Variants in ZNF423 observed in about 807,000 individuals in gnomAD.
ZNF423 encodes the protein Ebf-associated zinc finger protein.
Under a neutral mutation model 95.8 loss-of-function variants are expected in ZNF423, and 12 were observed. The ratio of observed to expected loss-of-function variants is 0.13; its 90% confidence interval spans 0.08 to 0.20. ZNF423 has a LOEUF of 0.20. ZNF423 is among the 10% of genes least tolerant of loss of function. The pLI, the probability that ZNF423 is intolerant of heterozygous loss-of-function variation, is 1.00. For missense variants in ZNF423, 1,316 were observed against 1,737.1 expected (o/e 0.76, Z 4.31); for synonymous variants, 749 against 711.9 (o/e 1.05, Z -0.83).
rs2143102691 is a variant in ZNF423 at position 49,709,171 on chromosome 16, T to TATATAC, written c.301+21599_301+21600insGTATAT. Among the ~76,000 whole-genome samples, 4 of 147,340 alleles carry TATATAC rather than the reference T, an allele frequency of 2.7e-5. 1 individual carries two copies. In the East Asian group the frequency reaches 8.4e-4, roughly 31 times the overall value. ...AACTCAAACGTTCAGCAGCCGTTTA[T>TATATAC]ATATATATATATGAAAACGGAGCTT... On this transcript the variant is annotated intron_variant, in intron 3 of 7. Transcript: ENST00000563137.
intron 1 of ZNF423, chr16:49,854,447 C>A (rs2035335443): frequency 1.4e-5 from 14 of 985,442 alleles, no homozygotes; most frequent in Non-Finnish European, 1.7e-5. Context: ...GGGAGCGGGG[C>A]CCCAGCGCCT....
Position 49,729,386 on chromosome 16 carries a change from G to A in ZNF423, c.301+1385C>T, listed in dbSNP as rs577471403. Reference sequence around the variant, plus strand: ...GGTCAATAGCTCAGTGTCCAGAGGAGGTCCTAGCTTGGCCACCAAACAGAT... The same window carrying A: ...GGTCAATAGCTCAGTGTCCAGAGGAAGTCCTAGCTTGGCCACCAAACAGAT... On this transcript the variant is annotated intron_variant, in intron 3 of 7. Transcript: ENST00000563137. 3.9e-5 allele frequency among the ~76,000 whole-genome samples: 6 copies of A among 152,214 alleles called. No individual in the cohort carries two copies. The South Asian group carries it at 1.2e-3, about 32-fold the overall frequency.
chr16:49,628,421 C>A (rs542979813), intron 4 of ZNF423, among the ~76,000 whole-genome samples: 10 of 151,570 alleles, frequency 6.6e-5, no homozygotes, highest in African/African-American at 2.4e-4. Context: ...CACCCATCCA[C>A]GCATACACCC....
At chr16:49,621,716 C>A (rs1455706032) in intron 5 of ZNF423, among the ~76,000 whole-genome samples, 1 of 152,186 alleles carries the variant, frequency 6.6e-6, no homozygotes, top group African/African-American at 2.4e-5. Flanking sequence ...GCAGGAGAAG[C>A]CATCCACTGG....
intron 3 of ZNF423, among the ~76,000 whole-genome samples, chr16:49,666,933 G>T (rs141208674): frequency 3.2e-4 from 48 of 152,330 alleles, no homozygotes; most frequent in African/African-American, 1.1e-3. Context: ...ACAAGCCCAT[G>T]GCCCAGTGGG....
chr16:49,539,295 G>A (rs989535052), intron 5 of ZNF423, among the ~76,000 whole-genome samples: 1 of 152,186 alleles, frequency 6.6e-6, no homozygotes, highest in Non-Finnish European at 1.5e-5. Context: ...GGCTTGCTCT[G>A]TGGGGGTGAC....
intron 5 of ZNF423, among the ~76,000 whole-genome samples, chr16:49,592,742 G>A (rs1334249353): frequency 3.3e-5 from 5 of 152,216 alleles, no homozygotes; most frequent in Non-Finnish European, 7.4e-5. Context: ...CAGCAAAGGT[G>A]TGTGATGCCC....
intron 3 of ZNF423, among the ~76,000 whole-genome samples, chr16:49,677,287 A>AAGGGAAGGGAAGGGAAGGGAAGG (rs1158583195): frequency 1.5e-4 from 12 of 82,408 alleles, no homozygotes; most frequent in Admixed American, 2.6e-4. Context: ...AGAAGAGAAG[A>AAGGGAAGGGAAGGGAAGGGAAGG]GAAGAGAAGA....
chr16:49,771,779 CT>C (rs1164495166), intron 2 of ZNF423, among the ~76,000 whole-genome samples: 1 of 152,212 alleles, frequency 6.6e-6, no homozygotes, highest in Non-Finnish European at 1.5e-5. Context: ...CATTAAACCT[CT>C]TTTTCTTTAT....
intron 1 of ZNF423, among the ~76,000 whole-genome samples, chr16:49,820,085 G>A (rs552242897): frequency 3.9e-5 from 6 of 152,088 alleles, no homozygotes; most frequent in African/African-American, 1.4e-4. Flanking sequence ...TGGATGGATG[G>A]GTGGATGGAT....
chr16:49,635,835 C>T lies in ZNF423; in HGVS notation c.3341G>A (p.Gly1114Asp). Residue 1114 changes from glycine to aspartate, a missense_variant, in exon 4 of 8, where the codon GGC (glycine) becomes GAC (aspartate). By Grantham distance (94) the Gly-to-Asp change is moderately conservative. This residue lies in a region of ZNF423 where 620 missense variants were observed against 775.6 expected (regional missense o/e 0.80). Transcript: ENST00000563137. The surrounding 1 kb of genome is among the most constrained non-coding windows in gnomAD (Gnocchi z 4.8). ...GTCGGCGGGCTCGGGCGGGGCCAGG[C>T]CACCCACCTGTCCGTTGGCGCTGCG... ...MARSANGQVGGLAPPEPADRP... is the reference protein window; with the variant it reads ...MARSANGQVGDLAPPEPADRP... 4 of 1,605,150 alleles carry T rather than the reference C, an allele frequency of 2.5e-6. No homozygotes were observed. The highest frequency in any genetic ancestry group is 1.7e-4 in the Middle Eastern group (1 of 6,020).
In ZNF423 at chr16:49,492,902, G is replaced by T. The variant is rs2151643734; in HGVS notation, c.3850-1598C>A. ...GATGGCTGGAATCCACTAGAGCAAG[G>T]GGATTTTCAGGGGAGCCAGGCTTCC... On this transcript the variant is annotated intron_variant, in intron 7 of 7. Coordinates refer to ENST00000563137, the MANE Select transcript of ZNF423 (RefSeq NM_001379286.1). The surrounding 1 kb of genome is among the most constrained non-coding windows in gnomAD (Gnocchi z 4.2). Among the ~76,000 whole-genome samples, 1 of 152,264 alleles carries T rather than the reference G, an allele frequency of 6.6e-6. No individual in the cohort carries two copies. Among genetic ancestry groups the T allele is most frequent in the East Asian group, 1.9e-4 (1 of 5,166 alleles).
At chr16:49,564,003 A>C (rs1398122263) in intron 5 of ZNF423, among the ~76,000 whole-genome samples, 1 of 152,210 alleles carries the variant, frequency 6.6e-6, no homozygotes, top group Non-Finnish European at 1.5e-5. Context: ...TTGATGTGTG[A>C]TACCAGCAGG....
chr16:49,808,618 G>A (rs2034702139), intron 1 of ZNF423, among the ~76,000 whole-genome samples: 2 of 152,096 alleles, frequency 1.3e-5, no homozygotes, highest in Admixed American at 6.6e-5. Flanking sequence ...GTTCAGCAAG[G>A]GCTGAGTGTT....
At chr16:49,718,450 C>T (rs2032772075) in intron 3 of ZNF423, among the ~76,000 whole-genome samples, 2 of 152,110 alleles carry the variant, frequency 1.3e-5, no homozygotes, top group African/African-American at 4.8e-5. Flanking sequence ...CCAGGGGATG[C>T]TGTGGTTCTA....
chr16:49,685,375 A>G (rs907484153), intron 3 of ZNF423, among the ~76,000 whole-genome samples: 7 of 152,218 alleles, frequency 4.6e-5, no homozygotes, highest in Non-Finnish European at 1.0e-4. Context: ...TCCTGCTCAC[A>G]TGCAGCATGG....
chr16:49,678,035 T>G (rs1241124553), intron 3 of ZNF423, among the ~76,000 whole-genome samples: 1 of 151,912 alleles, frequency 6.6e-6, no homozygotes, highest in African/African-American at 2.4e-5. Flanking sequence ...AGACAAAAAT[T>G]AGCTGGGCGT....
At chr16:49,667,998 T>G (rs1192496428) in intron 3 of ZNF423, among the ~76,000 whole-genome samples, 2 of 152,172 alleles carry the variant, frequency 1.3e-5, no homozygotes, top group African/African-American at 4.8e-5. Context: ...TGCATGCTAA[T>G]GCCCAGCCCC....
At chr16:49,501,924 G>T (rs1190509996) in intron 7 of ZNF423, among the ~76,000 whole-genome samples, 1 of 152,108 alleles carries the variant, frequency 6.6e-6, no homozygotes, top group South Asian at 2.1e-4. Context: ...CAACCTATGA[G>T]GTACTATGTT....
Sources: gnomAD v4.1 joint callset for allele counts (sites outside exome capture counted in the v4.1 genomes callset) on GRCh38, gnomAD v4.1.1 for gene constraint, gnomAD v4.1.1 regional missense constraint, Gnocchi (gnomAD v3.1) non-coding constraint, MANE v1.5 for transcripts, NCBI Gene and HGNC (gene_info 2026-07-23, HGNC 2026-07-21) for gene names.